Variants in FBXW10B observed in about 807,000 individuals in gnomAD.
FBXW10B encodes the protein F-box and WD repeat domain containing protein 10B.
At chr17:15,612,380 G>T in the FBXW10B span, among the ~76,000 whole-genome samples, 1 of 152,106 alleles carries the variant, frequency 6.6e-6, no homozygotes, top group Non-Finnish European at 1.5e-5. Context: ...CGGGCTTGGT[G>T]GCGGGCTCCT....
the FBXW10B span, chr17:15,619,586 G>A: frequency 1.3e-6 from 2 of 1,537,272 alleles, no homozygotes; most frequent in South Asian, 1.3e-5. Context: ...AGAGGAACGG[G>A]GGGAAATGAA....
At chr17:15,579,364 C>T in the FBXW10B span, among the ~76,000 whole-genome samples, 1 of 152,138 alleles carries the variant, frequency 6.6e-6, no homozygotes, top group Middle Eastern at 3.2e-3. Flanking sequence ...TCATCTGCCA[C>T]TCTACAATAT....
At chr17:15,578,792 T>A in the FBXW10B span, among the ~76,000 whole-genome samples, 15 of 152,276 alleles carry the variant, frequency 9.9e-5, no homozygotes, top group African/African-American at 3.4e-4. Context: ...TAAGATGAAT[T>A]GGTGTAGCAT....
chr17:15,616,793 C>T, the FBXW10B span, among the ~76,000 whole-genome samples: 2 of 112,022 alleles, frequency 1.8e-5, no homozygotes, highest in Admixed American at 1.3e-4. Flanking sequence ...GCCTGGGCAA[C>T]AGAGTGAGAC....
At chr17:15,588,366 G>T in the FBXW10B span, 1 of 188,676 alleles carries the variant, frequency 5.3e-6, no homozygotes, top group African/African-American at 2.3e-5. Flanking sequence ...AAATACAGGG[G>T]AAGAACAGCT....
the FBXW10B span, chr17:15,568,750 T>G: frequency 9.7e-5 from 57 of 587,230 alleles, no homozygotes; most frequent in East Asian, 1.7e-3. Context: ...TCTTTTTCCT[T>G]AATACCTTAA....
At chr17:15,615,321 CTTTTTTTT>C in the FBXW10B span, among the ~76,000 whole-genome samples, 77 of 88,714 alleles carry the variant, frequency 8.7e-4, 2 homozygotes, top group Non-Finnish European at 2.0e-4. Flanking sequence ...TATTGGCTTT[CTTTTTTTT>C]TTTTTTTTTT....
chr17:15,609,338 ATC>A, the FBXW10B span, among the ~76,000 whole-genome samples: 1 of 147,936 alleles, frequency 6.8e-6, no homozygotes, highest in Non-Finnish European at 1.5e-5. Context: ...CATGTAGTCT[ATC>A]TCTGCTCAGA....
chr17:15,589,337 C>T, the FBXW10B span: 7 of 1,353,100 alleles, frequency 5.2e-6, no homozygotes, highest in African/African-American at 8.8e-5. Flanking sequence ...AGCAGTGCTG[C>T]CTACCTGTGA....
At chr17:15,603,827 C>T in the FBXW10B span, among the ~76,000 whole-genome samples, 2 of 149,166 alleles carry the variant, frequency 1.3e-5, no homozygotes, top group African/African-American at 5.0e-5. Context: ...AATCCCAGTA[C>T]TTTAGGAGGC....
At chr17:15,614,832 T>A in the FBXW10B span, among the ~76,000 whole-genome samples, 836 of 152,326 alleles carry the variant, frequency 5.5e-3, 10 homozygotes, top group African/African-American at 0.019. Context: ...TTCATGTATA[T>A]GTCTTGCTTC....
At chr17:15,593,477 G>T in the FBXW10B span, 274 of 1,614,000 alleles carry the variant, frequency 1.7e-4, no homozygotes, top group South Asian at 4.3e-4. Flanking sequence ...GGAAGAGAAG[G>T]GACACGTCGA....
At chr17:15,604,022 G>A in the FBXW10B span, among the ~76,000 whole-genome samples, 1 of 146,766 alleles carries the variant, frequency 6.8e-6, no homozygotes, top group Non-Finnish European at 1.5e-5. Context: ...GGAGCTTGCA[G>A]TGAGCCAACA....
chr17:15,572,789 G>A, the FBXW10B span: 2 of 150,932 alleles, frequency 1.3e-5, no homozygotes, highest in African/African-American at 2.5e-5. Context: ...GGCCAGTGTG[G>A]TGAGAACATA....
the FBXW10B span, among the ~76,000 whole-genome samples, chr17:15,581,964 G>A: frequency 6.6e-6 from 1 of 151,404 alleles, no homozygotes; most frequent in African/African-American, 2.4e-5. Context: ...CACTTGAACT[G>A]GAAGCAAACT....
the FBXW10B span, chr17:15,613,767 C>T: frequency 6.2e-7 from 1 of 1,613,454 alleles, no homozygotes; most frequent in Non-Finnish European, 8.5e-7. Flanking sequence ...AAGATGGACC[C>T]AGAAACCCCA....
chr17:15,578,326 A>G, the FBXW10B span, among the ~76,000 whole-genome samples: 2 of 150,640 alleles, frequency 1.3e-5, no homozygotes, highest in Admixed American at 1.3e-4. Context: ...GGTCAGCACT[A>G]TACCTCCGGG....
At chr17:15,598,479 A>G in the FBXW10B span, 1 of 1,613,102 alleles carries the variant, frequency 6.2e-7, no homozygotes, top group African/African-American at 1.3e-5. Flanking sequence ...GCATTTTGGT[A>G]ACCTGTGGGT....
At chr17:15,607,339 A>G in the FBXW10B span, among the ~76,000 whole-genome samples, 13,604 of 122,268 alleles carry the variant, frequency 0.11, 1,096 homozygotes, top group East Asian at 0.25. Context: ...TTGTGCAAAA[A>G]GTTGTTGGTC....
Sources: gnomAD v4.1 joint callset for allele counts (sites outside exome capture counted in the v4.1 genomes callset) on GRCh38, gnomAD v4.1.1 for gene constraint, MANE v1.5 for transcripts, NCBI Gene and HGNC (gene_info 2026-07-23, HGNC 2026-07-21) for gene names.